Variants in DNER observed in about 807,000 individuals in gnomAD.
DNER encodes the protein delta/notch like EGF repeat containing, also known as delta and Notch-like epidermal growth factor-related receptor.
A neutral mutation model predicts 78.2 loss-of-function variants in DNER; 33 were observed. That is an observed-to-expected ratio of 0.42 (90% confidence interval 0.32 to 0.56). The LOEUF (loss-of-function observed/expected upper bound fraction) is 0.56. DNER is among the 20% of genes least tolerant of loss of function. DNER has a pLI of 0.11. For missense variants in DNER, 918 were observed against 975.3 expected (o/e 0.94, Z 0.78); for synonymous variants, 417 against 384.8 (o/e 1.08, Z -0.98).
intron 6 of DNER, among the ~76,000 whole-genome samples, chr2:229,500,119 G>C (rs1695586841): frequency 6.6e-6 from 1 of 152,126 alleles, no homozygotes; most frequent in African/African-American, 2.4e-5. Flanking sequence ...ATTTTTAGTA[G>C]AGACCAGGTT....
At chr2:229,673,491 C>G (rs1699245994) in intron 1 of DNER, among the ~76,000 whole-genome samples, 1 of 152,152 alleles carries the variant, frequency 6.6e-6, no homozygotes, top group Admixed American at 6.5e-5. Flanking sequence ...AGAGTATTTT[C>G]AAACTTAGAA....
intron 1 of DNER, among the ~76,000 whole-genome samples, chr2:229,689,603 C>T (rs552838986): frequency 6.6e-6 from 1 of 152,294 alleles, no homozygotes; most frequent in Admixed American, 6.5e-5. Flanking sequence ...TCCCTTGGCA[C>T]TTCCTGCATT....
intron 6 of DNER, among the ~76,000 whole-genome samples, chr2:229,510,645 C>T (rs760190629): frequency 8.5e-5 from 13 of 152,142 alleles, no homozygotes; most frequent in Non-Finnish European, 1.5e-4. Flanking sequence ...ATGGATGGAA[C>T]GCTGGAAGAC....
At chr2:229,372,980 G>A (rs1692520659) in intron 11 of DNER, among the ~76,000 whole-genome samples, 1 of 152,094 alleles carries the variant, frequency 6.6e-6, no homozygotes, top group African/African-American at 2.4e-5. Flanking sequence ...TTGAGAGGAA[G>A]ATTCTGAGTT....
rs1325557094 is a variant in DNER at position 229,472,405 on chromosome 2, C to T, written c.1261+4735G>A. On this transcript the variant is annotated intron_variant, in intron 7 of 12. Transcript: ENST00000341772. ...TTATTGCTGGAGGCTTTCATCACTA[C>T]TGATTTCTTTTTATTCTTTATTAAT... Among the ~76,000 whole-genome samples the T allele has an allele frequency of 2.0e-5, 3 of 152,246 alleles. No homozygotes were observed. In the East Asian group the frequency reaches 5.8e-4, roughly 29 times the overall value.
At chr2:229,568,106 A>ATATC (rs199656399) in intron 4 of DNER, among the ~76,000 whole-genome samples, 3,377 of 152,326 alleles carry the variant, frequency 0.022, 138 homozygotes, top group African/African-American at 0.077. Context: ...CAAAGAAAGA[A>ATATC]AAAATCATCA....
In DNER at chr2:229,449,875, C is replaced by T. The variant is rs970778796; in HGVS notation, c.1262-2335G>A. Among the ~76,000 whole-genome samples, 12 of 152,276 alleles carry T rather than the reference C, an allele frequency of 7.9e-5. No individual in the cohort carries two copies. In the South Asian group the frequency reaches 1.0e-3, roughly 13 times the overall value. The stretch of plus-strand genomic sequence containing the variant: ...CTTGGCTCACTGCAACCTCTGCCTT[C>T]GGGTCAAGCGATTCTCCTGCCTCAG... On this transcript the variant is annotated intron_variant, in intron 7 of 12. Coordinates refer to ENST00000341772, the MANE Select transcript of DNER (RefSeq NM_139072.4).
At chr2:229,633,345 CA>C (rs1453209073) in intron 1 of DNER, among the ~76,000 whole-genome samples, 1 of 152,120 alleles carries the variant, frequency 6.6e-6, no homozygotes, top group African/African-American at 2.4e-5. Context: ...ATCACACTTA[CA>C]ACTTTGTTAA....
At chr2:229,453,019 TA>T (rs1234435360) in intron 7 of DNER, among the ~76,000 whole-genome samples, 2 of 152,366 alleles carry the variant, frequency 1.3e-5, no homozygotes, top group East Asian at 3.9e-4. Context: ...CTGTGTGAGT[TA>T]ATGTTAAAGA....
At chr2:229,451,918 T>C (rs942769121) in intron 7 of DNER, among the ~76,000 whole-genome samples, 4 of 152,136 alleles carry the variant, frequency 2.6e-5, no homozygotes, top group East Asian at 1.9e-4. Flanking sequence ...AATAGTAATA[T>C]AAGCCACACA....
intron 6 of DNER, among the ~76,000 whole-genome samples, chr2:229,489,935 G>A (rs1012290699): frequency 1.3e-5 from 2 of 152,118 alleles, no homozygotes; most frequent in African/African-American, 4.8e-5. Flanking sequence ...AGAAAATTAT[G>A]AGTTGAAGAT....
At chr2:229,476,360 G>T (rs545017703) in intron 7 of DNER, among the ~76,000 whole-genome samples, 1 of 152,076 alleles carries the variant, frequency 6.6e-6, no homozygotes, top group Non-Finnish European at 1.5e-5. Context: ...CCCTCCCCCT[G>T]CCTCTCAGCC....
chr2:229,521,075 T>C (rs1273308222), intron 5 of DNER, among the ~76,000 whole-genome samples: 1 of 152,156 alleles, frequency 6.6e-6, no homozygotes, highest in Non-Finnish European at 1.5e-5. Context: ...ACAGAGCCTA[T>C]GAATAAAAAG....
chr2:229,473,099 G>C (rs1694959168), intron 7 of DNER, among the ~76,000 whole-genome samples: 1 of 152,186 alleles, frequency 6.6e-6, no homozygotes, highest in South Asian at 2.1e-4. Flanking sequence ...GAAAAGGGGG[G>C]AAAAGAGAAA....
At chr2:229,479,712 C>CAAAAAAA (rs1023070502) in intron 6 of DNER, among the ~76,000 whole-genome samples, 5 of 79,716 alleles carry the variant, frequency 6.3e-5, no homozygotes, top group Non-Finnish European at 1.3e-4. Context: ...GACTTTGTCT[C>CAAAAAAA]AAAAAAAAAA....
At chr2:229,560,910 C>T (rs142743158) in intron 4 of DNER, among the ~76,000 whole-genome samples, 10 of 152,234 alleles carry the variant, frequency 6.6e-5, no homozygotes, top group Non-Finnish European at 1.5e-4. Context: ...AAAGTGTCAC[C>T]ACACCCATGG....
chr2:229,380,296 G>C (rs1692706805), intron 11 of DNER, among the ~76,000 whole-genome samples: 1 of 152,190 alleles, frequency 6.6e-6, no homozygotes, highest in Non-Finnish European at 1.5e-5. Context: ...GACATAGAGA[G>C]GAGTGGAGAG....
intron 8 of DNER, among the ~76,000 whole-genome samples, chr2:229,424,345 C>T (rs1340576642): frequency 1.3e-5 from 2 of 152,232 alleles, no homozygotes; most frequent in Non-Finnish European, 2.9e-5. Flanking sequence ...TTGCCCAAAG[C>T]CATGTAGTCA....
chr2:229,380,544 G>A (rs57323922), intron 11 of DNER, among the ~76,000 whole-genome samples: 4 of 152,240 alleles, frequency 2.6e-5, no homozygotes, highest in East Asian at 1.9e-4. Context: ...AGCTCTCTTC[G>A]GCTATGAAAG....
Sources: gnomAD v4.1 joint callset for allele counts (sites outside exome capture counted in the v4.1 genomes callset) on GRCh38, gnomAD v4.1.1 for gene constraint, MANE v1.5 for transcripts, NCBI Gene and HGNC (gene_info 2026-07-23, HGNC 2026-07-21) for gene names.